Variants in C14orf132 observed in about 807,000 individuals in gnomAD.
C14orf132 encodes the protein chromosome 14 open reading frame 132, also known as uncharacterized protein C14orf132.
In C14orf132, 6 loss-of-function variants were observed where a neutral mutation model predicts 5.8. That is an observed-to-expected ratio of 1.03 (90% CI 0.57 to 2.04). C14orf132 has a LOEUF of 2.04. Among genes scored for constraint, C14orf132 ranks in the 30% most tolerant of loss-of-function variants. The pLI is 0.00. For synonymous variants in C14orf132, 51 were observed against 49.8 expected (o/e 1.02, Z -0.10); for missense variants, 125 against 115.8 (o/e 1.08, Z -0.37).
rs537720909 is a variant in C14orf132 at position 96,090,914 on chromosome 14, C to T, written c.*4179C>T. ...TGGCACTTTCCTTCTTCAGAAGCAT[C>T]ATCTGCCTTCATTATTAGCAGTAAT... On this transcript the variant is annotated 3_prime_UTR_variant, in exon 2 of 2. Transcript: ENST00000555004. The T allele has an allele frequency of 3.5e-5, 16 of 456,032 alleles. No individual in the cohort carries two copies. Among genetic ancestry groups the T allele is most frequent in the Non-Finnish European group, 6.6e-5 (15 of 226,818 alleles). 28.2% of individuals were successfully genotyped at this position (456,032 alleles called of 1,614,324 possible).
At chr14:96,068,533 C>A (rs1887603196) in intron 1 of C14orf132, among the ~76,000 whole-genome samples, 1 of 152,154 alleles carries the variant, frequency 6.6e-6, no homozygotes, top group Non-Finnish European at 1.5e-5. Context: ...AAAAGGATTT[C>A]TCACTTCCAG....
intron 1 of C14orf132, among the ~76,000 whole-genome samples, chr14:96,083,400 C>T (rs1396245415): frequency 6.6e-6 from 1 of 152,122 alleles, no homozygotes; most frequent in South Asian, 2.1e-4. Flanking sequence ...ACGTCCTAAC[C>T]CCTAGAACCT....
At chr14:96,066,586 T>A (rs1483162675) in intron 1 of C14orf132, among the ~76,000 whole-genome samples, 2 of 152,078 alleles carry the variant, frequency 1.3e-5, no homozygotes, top group Non-Finnish European at 2.9e-5. Flanking sequence ...CTTTTTTTTT[T>A]AATAAAAAAT....
chr14:96,048,934 T>C (rs1470055640), intron 1 of C14orf132, among the ~76,000 whole-genome samples: 2 of 152,244 alleles, frequency 1.3e-5, no homozygotes, highest in African/African-American at 4.8e-5. Context: ...AGTTTTTGCT[T>C]TTCTTTTTGA....
In C14orf132 at chr14:96,039,580, G is replaced by A. The variant is rs1886627772; in HGVS notation, c.27+53G>A. The A allele has an allele frequency of 3.4e-6, 5 of 1,473,330 alleles. No individual in the cohort carries two copies. The highest frequency in any genetic ancestry group is 4.5e-6 in the Non-Finnish European group (5 of 1,110,364). 91.3% of individuals were successfully genotyped at this position (1,473,330 alleles called of 1,614,324 possible). A position where few individuals can be genotyped will look rare whatever the true frequency, so the allele number is the denominator to read the frequency against. ...CGGGCCGCCAAGTTTGGGGAGGTTC[G>A]GGGCCACGGTCTCGCCCTCCACGCT... On this transcript the variant is annotated intron_variant, in intron 1 of 1. Coordinates refer to ENST00000555004, the MANE Select transcript of C14orf132 (RefSeq NM_001252507.3). The surrounding 1 kb of genome is among the most constrained non-coding windows in gnomAD (Gnocchi z 5.3).
chr14:96,064,592 A>G (rs963057928), intron 1 of C14orf132, among the ~76,000 whole-genome samples: 2 of 152,020 alleles, frequency 1.3e-5, no homozygotes, highest in South Asian at 2.1e-4. Flanking sequence ...CCCAAACATC[A>G]TATGTTCTCA....
At chr14:96,052,845 C>G (rs1308939486) in intron 1 of C14orf132, among the ~76,000 whole-genome samples, 1 of 152,148 alleles carries the variant, frequency 6.6e-6, no homozygotes, top group Non-Finnish European at 1.5e-5. Context: ...ATGGTGTGAA[C>G]CTGGGATGAC....
intron 1 of C14orf132, among the ~76,000 whole-genome samples, chr14:96,081,116 TC>T (rs1888019971): frequency 6.6e-6 from 1 of 152,224 alleles, no homozygotes; most frequent in Non-Finnish European, 1.5e-5. Context: ...GCAGCCACGA[TC>T]ATGAATCTGG....
At chr14:96,064,202 A>G (rs1019280014) in intron 1 of C14orf132, among the ~76,000 whole-genome samples, 2 of 152,066 alleles carry the variant, frequency 1.3e-5, no homozygotes, top group Admixed American at 1.3e-4. Flanking sequence ...TGATCCAGCA[A>G]TCCCAGTACT....
intron 1 of C14orf132, among the ~76,000 whole-genome samples, chr14:96,072,065 G>A (rs7145993): frequency 0.48 from 72,734 of 151,994 alleles, 17,953 homozygotes; most frequent in East Asian, 0.62. Context: ...CCTCCAAGTC[G>A]GAATGGCCAT....
At chr14:96,058,890 G>A (rs1340082628) in intron 1 of C14orf132, among the ~76,000 whole-genome samples, 1 of 152,230 alleles carries the variant, frequency 6.6e-6, no homozygotes, top group Non-Finnish European at 1.5e-5. Context: ...CCCCAGTCTT[G>A]GCTCTGCCAG....
chr14:96,076,340 T>C (rs1887865269), intron 1 of C14orf132, among the ~76,000 whole-genome samples: 1 of 152,266 alleles, frequency 6.6e-6, no homozygotes, highest in Non-Finnish European at 1.5e-5. Flanking sequence ...GAGAGGTTTA[T>C]CATTGTTATT....
chr14:96,089,409 A>T lies in C14orf132; in HGVS notation c.*2674A>T, dbSNP rs140135830. 1,503 of 152,586 alleles carry T rather than the reference A, an allele frequency of 9.9e-3. 57 individuals are homozygous for T. Among genetic ancestry groups the T allele is most frequent in the Admixed American group, 0.064 (984 of 15,304 alleles). The allele number at this position is 152,586 out of a possible 1,614,324, so 9.5% of individuals were successfully genotyped here. ...AGTTGCCTTCCTGAGGTCACACAGC[A>T]TGAAAGTGATGAGCTAGGATTTGAA... On this transcript the variant is annotated 3_prime_UTR_variant, in exon 2 of 2. Transcript: ENST00000555004.
At chr14:96,046,664 AC>A (rs1485327428) in intron 1 of C14orf132, among the ~76,000 whole-genome samples, 1 of 152,240 alleles carries the variant, frequency 6.6e-6, no homozygotes, top group Non-Finnish European at 1.5e-5. Flanking sequence ...AGTCTCACCT[AC>A]ATATTAACAT....
intron 1 of C14orf132, among the ~76,000 whole-genome samples, chr14:96,069,298 T>C (rs1887636979): frequency 7.8e-6 from 1 of 128,306 alleles, no homozygotes; most frequent in Non-Finnish European, 1.6e-5. Flanking sequence ...TATATATATA[T>C]ATATATATGT....
At chr14:96,049,763 T>C (rs1424284387) in intron 1 of C14orf132, among the ~76,000 whole-genome samples, 1 of 110,808 alleles carries the variant, frequency 9.0e-6, no homozygotes, top group Admixed American at 8.6e-5. Context: ...AGTCTCTTCA[T>C]TTTTTTTTTT....
At position 96,090,727 on chromosome 14, in the gene C14orf132, C is replaced by G; in HGVS notation, c.*3992C>G. ...GATGGGAGGAGGGGCAGCAGCATTT[C>G]GCTGGAAAGGCAGCAGATGCTTTTC... On this transcript the variant is annotated 3_prime_UTR_variant, in exon 2 of 2. Coordinates refer to ENST00000555004, the MANE Select transcript of C14orf132 (RefSeq NM_001252507.3). The G allele has an allele frequency of 2.2e-6, 1 of 456,066 alleles. No homozygotes were observed. Among genetic ancestry groups the G allele is most frequent in the Non-Finnish European group, 4.4e-6 (1 of 226,792 alleles). The allele number at this position is 456,066 out of a possible 1,614,324, so 28.3% of individuals were successfully genotyped here.
At chr14:96,060,502 A>G (rs900902133) in intron 1 of C14orf132, among the ~76,000 whole-genome samples, 1 of 152,034 alleles carries the variant, frequency 6.6e-6, no homozygotes, top group African/African-American at 2.4e-5. Context: ...TAAACAGAAT[A>G]TTGAGTTTAT....
chr14:96,076,234 G>T (rs1234860633), intron 1 of C14orf132, among the ~76,000 whole-genome samples: 2 of 151,660 alleles, frequency 1.3e-5, no homozygotes, highest in African/African-American at 2.4e-5. Context: ...ATTCCTTATT[G>T]TCTGCCCTTT....
Sources: gnomAD v4.1 joint callset for allele counts (sites outside exome capture counted in the v4.1 genomes callset) on GRCh38, gnomAD v4.1.1 for gene constraint, Gnocchi (gnomAD v3.1) non-coding constraint, MANE v1.5 for transcripts, NCBI Gene and HGNC (gene_info 2026-07-23, HGNC 2026-07-21) for gene names.